Variants in BAHCC1 observed in about 807,000 individuals in gnomAD.
BAHCC1 encodes the protein BAH and coiled-coil domain-containing protein 1.
BAHCC1 carries 43 observed loss-of-function variants against 88.2 expected under a neutral mutation model. That is an observed-to-expected ratio of 0.49 (90% CI 0.38 to 0.63). BAHCC1 has a LOEUF of 0.63. Ranked by LOEUF, BAHCC1 falls within the 20% of genes least tolerant of loss-of-function variation. BAHCC1 has a pLI of 0.00. For missense variants in BAHCC1, 3,023 were observed against 1,654.8 expected (o/e 1.83, Z -14.34); for synonymous variants, 1,510 against 745.5 (o/e 2.03, Z -16.71).
intron 2 of BAHCC1, chr17:81,402,620 C>T (rs1443355399): frequency 1.3e-5 from 2 of 152,284 alleles, no homozygotes; most frequent in Non-Finnish European, 2.9e-5. Flanking sequence ...CCGGATTCTT[C>T]CCGCCTGTCT....
In BAHCC1 at chr17:81,435,859, C is replaced by A. The variant is rs2064328363; in HGVS notation, c.359-2511C>A. ...TCCAGGATGCCTGTGTGTCCCCGGCCCAGCCACAGCAGCCCTGCCTTCTGG... is the reference window on the plus strand; with the variant it reads ...TCCAGGATGCCTGTGTGTCCCCGGCACAGCCACAGCAGCCCTGCCTTCTGG... On this transcript the variant is annotated intron_variant, in intron 3 of 27. Coordinates refer to ENST00000675386, the MANE Select transcript of BAHCC1 (RefSeq NM_001377448.1). The surrounding 1 kb of genome is among the most constrained non-coding windows in gnomAD (Gnocchi z 4.4). Among the ~76,000 whole-genome samples the A allele has an allele frequency of 6.6e-6, 1 of 152,184 alleles. No individual in the cohort carries two copies. Among genetic ancestry groups the A allele is most frequent in the South Asian group, 2.1e-4 (1 of 4,824 alleles).
At chr17:81,408,898 TG>T (rs1272223202) in intron 2 of BAHCC1, among the ~76,000 whole-genome samples, 2 of 152,236 alleles carry the variant, frequency 1.3e-5, no homozygotes, top group African/African-American at 4.8e-5. Flanking sequence ...AGAGCTGGGC[TG>T]AGCCACACTG....
In BAHCC1 at chr17:81,460,470, T is replaced by C. The variant is rs1024372604; in HGVS notation, c.6026-60T>C. ...GTCCAGACGGGCTCCCAAGGAAGGGTTGGGGTGGCAGTCACCCCACAGCCA... is the reference window on the plus strand; with the variant it reads ...GTCCAGACGGGCTCCCAAGGAAGGGCTGGGGTGGCAGTCACCCCACAGCCA... On this transcript the variant is annotated intron_variant, in intron 24 of 27. Transcript: ENST00000675386. The C allele has an allele frequency of 2.2e-5, 16 of 726,238 alleles. No homozygotes were observed. In the East Asian group the frequency reaches 4.2e-4, roughly 19 times the overall value. The allele number at this position is 726,238 out of a possible 1,614,324, so 45.0% of individuals were successfully genotyped here. A position where few individuals can be genotyped will look rare whatever the true frequency, so the allele number is the denominator to read the frequency against.
At chr17:81,450,337 T>C (rs1395400655) in intron 11 of BAHCC1, among the ~76,000 whole-genome samples, 1 of 152,082 alleles carries the variant, frequency 6.6e-6, no homozygotes, top group Admixed American at 6.5e-5. Context: ...CAGGGCTGGC[T>C]TCCCCTACTC....
In BAHCC1 at chr17:81,459,477, GTCGCCCGCGT is replaced by G. The variant is rs1357873277; in HGVS notation, c.5797-16_5797-7del. ...GCCAGGCCCCACCTGCTCATGGGTC[GTCGCCCGCGT>G]TCCTGCAGGTTCTCGATGTGCGGCC... On this transcript the variant is annotated splice_polypyrimidine_tract_variant and intron_variant, in intron 22 of 27. Coordinates refer to ENST00000675386, the MANE Select transcript of BAHCC1 (RefSeq NM_001377448.1). 1.0e-5 allele frequency: 8 copies of G among 778,336 alleles called. No individual in the cohort carries two copies. Among genetic ancestry groups the G allele is most frequent in the African/African-American group, 1.7e-5 (1 of 59,132 alleles). 48.2% of individuals were successfully genotyped at this position (778,336 alleles called of 1,614,324 possible). A position where few individuals can be genotyped will look rare whatever the true frequency, so the allele number is the denominator to read the frequency against.
intron 24 of BAHCC1, 62 bp downstream of exon 24, chr17:81,460,458 C>T: frequency 1.4e-6 from 1 of 726,546 alleles, no homozygotes; most frequent in South Asian, 1.5e-5. Context: ...CAGACGGGCT[C>T]CCAAGGAAGG....
rs1555652049 is a variant in BAHCC1, at chr17:81,438,438, C to T, written c.427C>T (p.His143Tyr). ...TFLPVSHLDH[H>Y]GNSNVLYGQH... ...CCTACCCGTGAGCCACTTGGATCACCATGGAAACAGCAACGTTCTCTATGG... is the reference window on the plus strand; with the variant it reads ...CCTACCCGTGAGCCACTTGGATCACTATGGAAACAGCAACGTTCTCTATGG... Residue 143 changes from histidine to tyrosine, a missense_variant, in exon 4 of 28, where the codon CAT (histidine) becomes TAT (tyrosine). His to Tyr is a moderately conservative substitution (Grantham distance 83, BLOSUM62 2). Coordinates refer to ENST00000675386, the MANE Select transcript of BAHCC1 (RefSeq NM_001377448.1). 1 of 777,816 alleles carries T rather than the reference C, an allele frequency of 1.3e-6. No homozygotes were observed. Among genetic ancestry groups the T allele is most frequent in the East Asian group, 2.4e-5 (1 of 41,220 alleles). The allele number at this position is 777,816 out of a possible 1,614,324, so 48.2% of individuals were successfully genotyped here.
chr17:81,396,688 G>A (rs1409660438), intron 1 of BAHCC1: 1 of 152,192 alleles, frequency 6.6e-6, no homozygotes, highest in Non-Finnish European at 1.5e-5. Context: ...AGGAAACAAA[G>A]CAAACTTGTA....
At chr17:81,446,921 GC>G (rs2064539412) in intron 10 of BAHCC1, 114 bp from the exon 11 acceptor site, 1 of 696,222 alleles carries the variant, frequency 1.4e-6, no homozygotes, top group Admixed American at 2.0e-5. Flanking sequence ...CTAGCCCAGG[GC>G]CCTTCCGCAC....
chr17:81,428,264 C>T (rs2064222970), intron 3 of BAHCC1, among the ~76,000 whole-genome samples: 2 of 152,226 alleles, frequency 1.3e-5, no homozygotes, highest in Non-Finnish European at 2.9e-5. Flanking sequence ...ATATGCCCCA[C>T]CCCGCCTCAG....
chr17:81,460,538 C>A lies in BAHCC1; in HGVS notation c.6034C>A (p.Pro2012Thr). 3 of 749,478 alleles carry A rather than the reference C, an allele frequency of 4.0e-6. No individual in the cohort carries two copies. The South Asian group carries it at 4.3e-5, about 11-fold the overall frequency. The allele number at this position is 749,478 out of a possible 1,614,324, so 46.4% of individuals were successfully genotyped here. ...PPDFKIQCTE[P>T]SPALLVSSSC... is the part of the protein sequence containing the mutation. Reference sequence around the variant, plus strand: ...GCCCATGCTATCCACAGGCACAGAGCCCTCTCCAGCCCTGCTAGTGTCTAG... The same window carrying A: ...GCCCATGCTATCCACAGGCACAGAGACCTCTCCAGCCCTGCTAGTGTCTAG... Residue 2012 changes from proline to threonine, a missense_variant, in exon 25 of 28, where the codon CCC becomes ACC. Coordinates refer to ENST00000675386, the MANE Select transcript of BAHCC1 (RefSeq NM_001377448.1).
chr17:81,441,991 C>T lies in BAHCC1; in HGVS notation c.642C>T (p.Asp214=), dbSNP rs1324286591. The T allele has an allele frequency of 1.3e-6, 1 of 745,810 alleles. No homozygotes were observed. The highest frequency in any genetic ancestry group is 1.8e-5 in the Admixed American group (1 of 55,804). The allele number at this position is 745,810 out of a possible 1,614,324, so 46.2% of individuals were successfully genotyped here. Residue 214 remains aspartate, a synonymous_variant, in exon 5 of 28, where the codon GAC becomes GAT. Transcript: ENST00000675386. Reference sequence around the variant, plus strand: ...GCTCCCTGCAGAAGGGCCCCAAGGACTTCGACCGCTTCCTCGTGGGCAAAG... The same window carrying T: ...GCTCCCTGCAGAAGGGCCCCAAGGATTTCGACCGCTTCCTCGTGGGCAAAG... ...EAGSLQKGPK[D]FDRFLVGKEL...
chr17:81,458,872 GTTCGACGACAACAGCAGC>G lies in BAHCC1; in HGVS notation c.5512_5529del (p.Asp1838_Phe1843del). ...GCTTCGCCGTGGAGGAAGACTTTGA[GTTCGACGACAACAGCAGC>G]TTCTCGGAAGAGGAGGAGGACGAGG... On this transcript the variant is annotated inframe_deletion, in exon 20 of 28. Coordinates refer to ENST00000675386, the MANE Select transcript of BAHCC1 (RefSeq NM_001377448.1). 1.3e-6 allele frequency: 1 copy of G among 774,622 alleles called. No individual in the cohort carries two copies. The highest frequency in any genetic ancestry group is 1.7e-5 in the African/African-American group (1 of 59,194). The allele number at this position is 774,622 out of a possible 1,614,324, so 48.0% of individuals were successfully genotyped here. A position where few individuals can be genotyped will look rare whatever the true frequency, so the allele number is the denominator to read the frequency against.
At chr17:81,446,959 A>C (rs1555654552) in intron 10 of BAHCC1, 77 bp from the exon 11 acceptor site, 1 of 757,102 alleles carries the variant, frequency 1.3e-6, no homozygotes, top group African/African-American at 1.7e-5. Flanking sequence ...GTTCGAGGCC[A>C]CTGTCCTCCG....
chr17:81,438,504 A>G lies in BAHCC1; in HGVS notation c.481+12A>G. 1 of 763,858 alleles carries G rather than the reference A, an allele frequency of 1.3e-6. No individual in the cohort carries two copies. The highest frequency in any genetic ancestry group is 2.4e-6 in the Non-Finnish European group (1 of 410,406). 47.3% of individuals were successfully genotyped at this position (763,858 alleles called of 1,614,324 possible). A position where few individuals can be genotyped will look rare whatever the true frequency, so the allele number is the denominator to read the frequency against. On this transcript the variant is annotated intron_variant, in intron 4 of 27. Coordinates refer to ENST00000675386, the MANE Select transcript of BAHCC1 (RefSeq NM_001377448.1). ...TGGAACCCAAAAAGGCAAGTGCAGC[A>G]TGGGACCGGCGTGGGGAGCAGGCAT...
chr17:81,445,597 G>A lies in BAHCC1; in HGVS notation c.3079G>A (p.Gly1027Arg), dbSNP rs1016942013. ...AAATGTCTGCCCTGCCAGCAGCCCC[G>A]GGCCTGGCTCCCGGGTGCGCAGCGC... ...TLNVCPASSPGPGSRVRSAEE... is the reference protein window; with the variant it reads ...TLNVCPASSPRPGSRVRSAEE... The change falls in exon 10 of 28, where the codon GGG (glycine) becomes AGG (arginine). Residue 1027 changes from glycine (G) to arginine (R), a missense_variant. By Grantham distance (125) the Gly-to-Arg change is moderately radical (BLOSUM62 -2). Transcript: ENST00000675386. 1.6e-5 allele frequency: 12 copies of A among 727,436 alleles called. No individual in the cohort carries two copies. The highest frequency in any genetic ancestry group is 5.9e-5 in the South Asian group (4 of 68,136). 45.1% of individuals were successfully genotyped at this position (727,436 alleles called of 1,614,324 possible). A position where few individuals can be genotyped will look rare whatever the true frequency, so the allele number is the denominator to read the frequency against.
chr17:81,404,803 G>A (rs1452391248), intron 2 of BAHCC1, among the ~76,000 whole-genome samples: 8 of 152,174 alleles, frequency 5.3e-5, no homozygotes, highest in African/African-American at 2.4e-5. Flanking sequence ...GTGGCAGGTA[G>A]CACCTCTGTC....
rs1188509612 is a variant in BAHCC1, at chr17:81,427,128, C to T, written c.358+149C>T. Reference sequence around the variant, plus strand: ...CAAGCAGGCTCGGGTGAGGCTGCCTCCCTGCCGAGGAAGCCCCGGGGGAAG... The same window carrying T: ...CAAGCAGGCTCGGGTGAGGCTGCCTTCCTGCCGAGGAAGCCCCGGGGGAAG... On this transcript the variant is annotated intron_variant, in intron 3 of 27. Transcript: ENST00000675386. The T allele has an allele frequency of 7.5e-6, 3 of 397,848 alleles. No homozygotes were observed. The Admixed American group carries it at 1.3e-4, about 18-fold the overall frequency. 24.6% of individuals were successfully genotyped at this position (397,848 alleles called of 1,614,324 possible).
Position 81,411,672 on chromosome 17 carries a change from G to T in BAHCC1, c.178+11755G>T, listed in dbSNP as rs2063956770. 2 of 334,172 alleles carry T rather than the reference G, an allele frequency of 6.0e-6. No individual in the cohort carries two copies. Among genetic ancestry groups the T allele is most frequent in the Non-Finnish European group, 1.2e-5 (2 of 169,258 alleles). 20.7% of individuals were successfully genotyped at this position (334,172 alleles called of 1,614,324 possible). A position where few individuals can be genotyped will look rare whatever the true frequency, so the allele number is the denominator to read the frequency against. ...AGGTTTGGGGCATTCCAGACCTGAGGCCCTCCAGGCAGCTCCCCTTCCACT... is the reference window on the plus strand; with the variant it reads ...AGGTTTGGGGCATTCCAGACCTGAGTCCCTCCAGGCAGCTCCCCTTCCACT... On this transcript the variant is annotated intron_variant, in intron 2 of 27. Transcript: ENST00000675386. This position sits in a 1 kb window ranked among gnomAD's most constrained non-coding sequence, Gnocchi z 6.2.
Sources: gnomAD v4.1 joint callset for allele counts (sites outside exome capture counted in the v4.1 genomes callset) on GRCh38, gnomAD v4.1.1 for gene constraint, Gnocchi (gnomAD v3.1) non-coding constraint, MANE v1.5 for transcripts, NCBI Gene and HGNC (gene_info 2026-07-23, HGNC 2026-07-21) for gene names.